Variants in CA13 observed in about 807,000 individuals in gnomAD.
CA13 encodes CA-XIII.
In CA13, 21 loss-of-function variants were observed where a neutral mutation model predicts 31.5. The observed-to-expected ratio is 0.67, with a 90% confidence interval of 0.47 to 0.96. The LOEUF (loss-of-function observed/expected upper bound fraction) is 0.96, where lower values mean the gene tolerates loss of function less well. Ranked by LOEUF, CA13 falls within the 40% of genes least tolerant of loss-of-function variation. The probability of loss-of-function intolerance (pLI) is 0.00; values close to 1 mark genes in which losing one functional copy is unlikely to be tolerated. For synonymous variants in CA13, 117 were observed against 111.4 expected (o/e 1.05, Z -0.32); for missense variants, 315 against 318.9 (o/e 0.99, Z 0.09).
chr8:85,255,793 C>T (rs1807284321), intron 2 of CA13, among the ~76,000 whole-genome samples: 1 of 152,206 alleles, frequency 6.6e-6, no homozygotes, highest in Non-Finnish European at 1.5e-5. Context: ...TTTCTGGACT[C>T]AAACAGTATC....
In CA13 at chr8:85,281,321, G is replaced by T. The variant is rs1271032191; in HGVS notation, c.761G>T (p.Gly254Val). 6.2e-7 allele frequency: 1 copy of T among 1,613,922 alleles called. No homozygotes were observed. Among genetic ancestry groups the T allele is most frequent in the Non-Finnish European group, 8.5e-7 (1 of 1,179,928 alleles). The change falls in exon 7 of 7, where the codon GGC becomes GTC. Residue 254 changes from glycine to valine, a missense_variant. Coordinates refer to ENST00000321764, the MANE Select transcript of CA13 (RefSeq NM_198584.3). ...SNHRPPQPLK[G>V]RKVRASFH is the part of the protein sequence containing the mutation. The stretch of plus-strand genomic sequence containing the variant: ...CACCGCCCACCACAGCCTCTAAAGG[G>T]CCGCAAAGTGAGAGCCTCTTTCCAT...
At chr8:85,255,286 A>C (rs1807274858) in intron 2 of CA13, among the ~76,000 whole-genome samples, 1 of 149,906 alleles carries the variant, frequency 6.7e-6, no homozygotes, top group Non-Finnish European at 1.5e-5. Flanking sequence ...TTTTTAAGAC[A>C]AGATCTCACT....
Position 85,281,265 on chromosome 8 carries a change from G to T in CA13, c.705G>T (p.Glu235Asp). 1 of 1,614,048 alleles carries T rather than the reference G, an allele frequency of 6.2e-7. No individual in the cohort carries two copies. Among genetic ancestry groups the T allele is most frequent in the Non-Finnish European group, 8.5e-7 (1 of 1,179,978 alleles). Residue 235 changes from glutamate (E) to aspartate (D), a missense_variant, in exon 7 of 7, where the codon GAG (glutamate) becomes GAT (aspartate). Physicochemically the swap from Glu to Asp is conservative, Grantham distance 45. Coordinates refer to ENST00000321764, the MANE Select transcript of CA13 (RefSeq NM_198584.3). ...TTCGCAGTCTCCTGTGCACAGCGGA[G>T]GGTGAAGCAGCAGCTTTTCTGGTGA... ...AKFRSLLCTA[E>D]GEAAAFLVSN... is the part of the protein sequence containing the mutation.
intron 3 of CA13, among the ~76,000 whole-genome samples, chr8:85,264,911 A>G (rs1188382229): frequency 6.6e-6 from 1 of 152,230 alleles, no homozygotes; most frequent in African/African-American, 2.4e-5. Flanking sequence ...AACTTGGAAC[A>G]TGGCACTACA....
chr8:85,260,574 C>G (rs1807361909), intron 3 of CA13, among the ~76,000 whole-genome samples: 1 of 152,142 alleles, frequency 6.6e-6, no homozygotes, highest in Non-Finnish European at 1.5e-5. Context: ...GAAATGTTTG[C>G]TTTGCCACTA....
chr8:85,280,973 C>T (rs1199453928), intron 6 of CA13, among the ~76,000 whole-genome samples: 1 of 152,156 alleles, frequency 6.6e-6, no homozygotes, highest in East Asian at 1.9e-4. Context: ...TTAAACCACA[C>T]TCTAGATGTT....
intron 6 of CA13, among the ~76,000 whole-genome samples, chr8:85,273,916 A>T (rs991945910): frequency 6.6e-6 from 1 of 151,958 alleles, no homozygotes; most frequent in African/African-American, 2.4e-5. Flanking sequence ...AGGACAGGGC[A>T]GGCAGGCGTT....
At chr8:85,277,569 A>C (rs904024569) in intron 6 of CA13, among the ~76,000 whole-genome samples, 8 of 152,112 alleles carry the variant, frequency 5.3e-5, no homozygotes, top group Non-Finnish European at 1.0e-4. Flanking sequence ...ATAACACTCA[A>C]AACAGCTCAG....
At chr8:85,273,370 C>T (rs749615289) in intron 6 of CA13, among the ~76,000 whole-genome samples, 10 of 152,100 alleles carry the variant, frequency 6.6e-5, no homozygotes, top group Non-Finnish European at 1.5e-4. Context: ...TTCAAATCAT[C>T]TGTACATTTT....
chr8:85,255,009 C>T (rs1231753628), intron 2 of CA13, among the ~76,000 whole-genome samples: 1 of 151,978 alleles, frequency 6.6e-6, no homozygotes, highest in African/African-American at 2.4e-5. Flanking sequence ...ATCCATGCTC[C>T]ATAGTTAAAC....
chr8:85,263,952 T>C (rs1410766138), intron 3 of CA13, among the ~76,000 whole-genome samples: 1 of 152,172 alleles, frequency 6.6e-6, no homozygotes, highest in Non-Finnish European at 1.5e-5. Context: ...ATCATCAAGT[T>C]ACGTTCCCTT....
intron 6 of CA13, among the ~76,000 whole-genome samples, chr8:85,275,577 C>T (rs1195477456): frequency 2.0e-5 from 3 of 152,088 alleles, no homozygotes; most frequent in African/African-American, 7.2e-5. Flanking sequence ...ATGGAAATGC[C>T]ACGGGTGATT....
rs1807733484 is a variant in CA13, at chr8:85,283,245, G to T, written c.*1896G>T. 6.6e-6 allele frequency: 1 copy of T among 152,062 alleles called. No homozygotes were observed. 9.4% of individuals were successfully genotyped at this position (152,062 alleles called of 1,614,324 possible). A position where few individuals can be genotyped will look rare whatever the true frequency, so the allele number is the denominator to read the frequency against. On this transcript the variant is annotated 3_prime_UTR_variant, in exon 7 of 7. Coordinates refer to ENST00000321764, the MANE Select transcript of CA13 (RefSeq NM_198584.3). ...GGCTTGAATGTAGATTTTAATAATT[G>T]AATTTATTCTGCCGTGTTGATAGAA...
At chr8:85,255,047 C>CAAAAGGGAGT (rs1807270627) in intron 2 of CA13, among the ~76,000 whole-genome samples, 1 of 151,990 alleles carries the variant, frequency 6.6e-6, no homozygotes, top group Admixed American at 6.6e-5. Flanking sequence ...AAAATCCTTT[C>CAAAAGGGAGT]AAAAGGGAGT....
rs1348713368 is a variant in CA13, at chr8:85,282,741, A to G, written c.*1392A>G. On this transcript the variant is annotated 3_prime_UTR_variant, in exon 7 of 7. Transcript: ENST00000321764. Reference sequence around the variant, plus strand: ...TTTTGTTTGTTTTTGGTGAAGGATAAGAGTGGTGTTTCTTTTGCCCTTTCT... The same window carrying G: ...TTTTGTTTGTTTTTGGTGAAGGATAGGAGTGGTGTTTCTTTTGCCCTTTCT... The G allele has an allele frequency of 6.6e-6, 1 of 152,170 alleles. No individual in the cohort carries two copies. The highest frequency in any genetic ancestry group is 1.5e-5 in the Non-Finnish European group (1 of 68,036). 9.4% of individuals were successfully genotyped at this position (152,170 alleles called of 1,614,324 possible). A position where few individuals can be genotyped will look rare whatever the true frequency, so the allele number is the denominator to read the frequency against.
At chr8:85,254,783 T>TTTC (rs1246117466) in intron 2 of CA13, among the ~76,000 whole-genome samples, 2 of 151,556 alleles carry the variant, frequency 1.3e-5, no homozygotes, top group Non-Finnish European at 2.9e-5. Context: ...TTTTTTTTTT[T>TTTC]TTTTTGGTTT....
At chr8:85,268,451 G>A in intron 5 of CA13, 21 bp from the exon 6 acceptor site, 1 of 1,613,302 alleles carries the variant, frequency 6.2e-7, no homozygotes, top group Non-Finnish European at 8.5e-7. Context: ...TAATTTGTGG[G>A]AATTCTTTTT....
At position 85,256,982 on chromosome 8, in the gene CA13, A is replaced by G. The variant is rs570634481; in HGVS notation, c.236-2439A>G. The stretch of plus-strand genomic sequence containing the variant: ...CCCTCTCTGTCTTTGTCTTGGTATA[A>G]TCCTGGCAGATTTGTGCTCTTGGCT... On this transcript the variant is annotated intron_variant, in intron 2 of 6. Coordinates refer to ENST00000321764, the MANE Select transcript of CA13 (RefSeq NM_198584.3). 2.6e-5 allele frequency among the ~76,000 whole-genome samples: 4 copies of G among 152,212 alleles called. No homozygotes were observed. The East Asian group carries it at 7.7e-4, about 29-fold the overall frequency.
At chr8:85,252,880 A>T (rs1375198557) in intron 2 of CA13, among the ~76,000 whole-genome samples, 1 of 152,158 alleles carries the variant, frequency 6.6e-6, no homozygotes. Flanking sequence ...GTTAGCAAAA[A>T]TTATAAGCCC....
Sources: gnomAD v4.1 joint callset for allele counts (sites outside exome capture counted in the v4.1 genomes callset) on GRCh38, gnomAD v4.1.1 for gene constraint, MANE v1.5 for transcripts, NCBI Gene and HGNC (gene_info 2026-07-23, HGNC 2026-07-21) for gene names.